ANK2: variants seen among roughly 807,000 people sequenced by gnomAD.
ANK2 encodes the protein ankyrin 2.
In ANK2, 83 loss-of-function variants were observed where a neutral mutation model predicts 360.5. The observed-to-expected ratio is 0.23, with a 90% CI of 0.19 to 0.28. The LOEUF is 0.28. Among genes scored for constraint, ANK2 ranks in the 10% least tolerant of loss-of-function variants. ANK2 has a pLI of 1.00. For synonymous variants in ANK2, 1,740 were observed against 1,759.5 expected, an observed-to-expected ratio of 0.99 and a Z score of 0.28; for missense variants, 4,201 against 4,795.7, an observed-to-expected ratio of 0.88 and a Z score of 3.66.
chr4:113,162,691 C>T (rs1431468730), intron 1 of ANK2, among the ~76,000 whole-genome samples: 1 of 149,568 alleles, frequency 6.7e-6, no homozygotes, highest in Non-Finnish European at 1.5e-5. Context: ...CCTGGGTCTA[C>T]TTTTCCCACT....
At chr4:113,033,768 C>G (rs980107361) in intron 2 of ANK2, 1 of 151,914 alleles carries the variant, frequency 6.6e-6, no homozygotes, top group Non-Finnish European at 1.5e-5. Context: ...TCTAACTGCC[C>G]ACTTGTTACT....
chr4:112,727,909 G>C, the ANK2 span, among the ~76,000 whole-genome samples: 2 of 152,194 alleles, frequency 1.3e-5, no homozygotes, highest in South Asian at 4.2e-4. Context: ...CGCGGGAGGC[G>C]GACGTTGCGG....
intron 2 of ANK2, among the ~76,000 whole-genome samples, chr4:112,916,929 C>G (rs1363106495): frequency 6.6e-6 from 1 of 152,094 alleles, no homozygotes; most frequent in Non-Finnish European, 1.5e-5. Flanking sequence ...TTAAGGAACT[C>G]AGAATCATAA....
In ANK2 at chr4:113,088,755, A is replaced by G. The variant is rs529215429; in HGVS notation, c.84+38943A>G. Among the ~76,000 whole-genome samples, 10 of 152,310 alleles carry G rather than the reference A, an allele frequency of 6.6e-5. No homozygotes were observed. In the East Asian group the frequency reaches 1.7e-3, roughly 26 times the overall value. ...CACCGAACTGTCACAATTGTTGCAC[A>G]GACATAATTAGAACCACATTTTTAC... is the stretch of plus-strand genomic sequence containing the variant. On this transcript the variant is annotated intron_variant, in intron 1 of 45. Transcript: ENST00000357077.
intron 2 of ANK2, among the ~76,000 whole-genome samples, chr4:113,181,123 C>T (rs1244286091): frequency 6.6e-6 from 1 of 152,190 alleles, no homozygotes; most frequent in African/African-American, 2.4e-5. Context: ...CTAAAAACTT[C>T]ATTCTGTTTA....
At chr4:113,136,976 T>G (rs1157303711) in intron 1 of ANK2, among the ~76,000 whole-genome samples, 1 of 152,044 alleles carries the variant, frequency 6.6e-6, no homozygotes, top group Non-Finnish European at 1.5e-5. Context: ...CAAGCTGGTC[T>G]CAAACTCCTG....
intron 5 of ANK2, among the ~76,000 whole-genome samples, chr4:113,234,425 T>G (rs2099354853): frequency 6.6e-6 from 1 of 152,192 alleles, no homozygotes; most frequent in African/African-American, 2.4e-5. Context: ...AAAATTACTT[T>G]TTTCCGATTG....
At position 113,227,069 on chromosome 4, in the gene ANK2, T is replaced by G. The variant is rs141557646; in HGVS notation, c.385-5092T>G. Reference sequence around the variant, plus strand: ...TAAGCTATTAATATGTGATGATAAATGCTTTCCTATAAAGTTTACAGTGGT... The same window carrying G: ...TAAGCTATTAATATGTGATGATAAAGGCTTTCCTATAAAGTTTACAGTGGT... On this transcript the variant is annotated intron_variant, in intron 4 of 45. Transcript: ENST00000357077. 1.1e-4 allele frequency among the ~76,000 whole-genome samples: 17 copies of G among 152,336 alleles called. No homozygotes were observed. In the East Asian group the frequency reaches 3.3e-3, roughly 29 times the overall value.
intron 2 of ANK2, among the ~76,000 whole-genome samples, chr4:112,952,930 T>A (rs1455765018): frequency 6.6e-6 from 1 of 152,110 alleles, no homozygotes; most frequent in Non-Finnish European, 1.5e-5. Context: ...GATTAGGAGA[T>A]TATATTAGTA....
In ANK2 at chr4:113,355,771, C is replaced by T. The variant is rs372362152; in HGVS notation, c.7153C>T (p.Pro2385Ser). ...AGACGAGACAAAGGCCTTGCCGCTG[C>T]CTGAGGCTTCTGTAAAGACAGATAC... ...TSDETKALPL[P>S]EASVKTDTGT... Residue 2385 changes from proline (P) to serine (S), a missense_variant, in exon 38 of 46, where the codon CCT becomes TCT. Pro to Ser is a moderately conservative substitution (Grantham distance 74). Coordinates refer to ENST00000357077, the MANE Select transcript of ANK2 (RefSeq NM_001148.6). 61 of 1,613,984 alleles carry T rather than the reference C, an allele frequency of 3.8e-5. No individual in the cohort carries two copies. The highest frequency in any genetic ancestry group is 6.7e-5 in the African/African-American group (5 of 74,924).
At chr4:112,715,171 C>G in the ANK2 span, among the ~76,000 whole-genome samples, 3 of 152,158 alleles carry the variant, frequency 2.0e-5, no homozygotes, top group African/African-American at 7.2e-5. Context: ...TATATAAGTC[C>G]TCTCTGTGTG....
Position 113,016,485 on chromosome 4 carries a change from A to G in ANK2, c.21+111971A>G, listed in dbSNP as rs546269378. Among the ~76,000 whole-genome samples the G allele has an allele frequency of 7.9e-4, 120 of 152,226 alleles. 1 individual carries two copies. The highest frequency in any genetic ancestry group is 2.5e-3 in the African/African-American group (104 of 41,550). ...CCTTTCCACTCTGAGCCCTCCTGCCATCTCTTCTCTGCTCCAGGGATGCTC... is the reference window on the plus strand; with the variant it reads ...CCTTTCCACTCTGAGCCCTCCTGCCGTCTCTTCTCTGCTCCAGGGATGCTC... On this transcript the variant is annotated intron_variant, in intron 2 of 30. Transcript: ENST00000503271.
chr4:113,054,237 G>T (rs2154328392), intron 1 of ANK2, among the ~76,000 whole-genome samples: 1 of 152,124 alleles, frequency 6.6e-6, no homozygotes, highest in African/African-American at 2.4e-5. Flanking sequence ...GGATAAAATG[G>T]CTTTATAGGA....
chr4:113,176,962 A>G (rs2098233172), intron 2 of ANK2, among the ~76,000 whole-genome samples: 1 of 152,146 alleles, frequency 6.6e-6, no homozygotes, highest in Non-Finnish European at 1.5e-5. Context: ...ACATGAACTC[A>G]TCCTTTTTTA....
intron 26 of ANK2, among the ~76,000 whole-genome samples, chr4:113,320,812 T>G (rs576941464): frequency 6.6e-6 from 1 of 152,234 alleles, no homozygotes; most frequent in Admixed American, 6.5e-5. Flanking sequence ...AAGGCTTTGG[T>G]TATTAGAGAG....
In ANK2 at chr4:113,123,133, T is replaced by G. The variant is rs990299798; in HGVS notation, c.85-51283T>G. Among the ~76,000 whole-genome samples the G allele has an allele frequency of 2.0e-5, 3 of 152,094 alleles. No individual in the cohort carries two copies. The South Asian group carries it at 6.2e-4, about 32-fold the overall frequency. The stretch of plus-strand genomic sequence containing the variant: ...TGACTTATTTTTGGAATCTAAAATC[T>G]TATACACACTCAATGTAATTTTTTT... On this transcript the variant is annotated intron_variant, in intron 1 of 45. Coordinates refer to ENST00000357077, the MANE Select transcript of ANK2 (RefSeq NM_001148.6).
rs201439735 is a variant in ANK2 at position 112,976,041 on chromosome 4, A to AT, written c.21+71535dup. Among the ~76,000 whole-genome samples the AT allele has an allele frequency of 4.5e-3, 688 of 151,418 alleles. 7 individuals are homozygous for AT. Among genetic ancestry groups the AT allele is most frequent in the African/African-American group, 0.015 (632 of 41,236 alleles). The stretch of plus-strand genomic sequence containing the variant: ...TGAATATGCTCACACATGCTCTGAC[A>AT]TTTTTTTTCATTTTATGTCGTTTTT... On this transcript the variant is annotated intron_variant, in intron 2 of 30. Coordinates refer to the ANK2 transcript ENST00000503271.
At chr4:113,266,651 G>A (rs1489797861) in intron 14 of ANK2, among the ~76,000 whole-genome samples, 1 of 152,208 alleles carries the variant, frequency 6.6e-6, no homozygotes, top group Non-Finnish European at 1.5e-5. Flanking sequence ...GCTGAGGTGA[G>A]CAGATCACCT....
At chr4:113,287,735 G>T (rs374325432) in intron 19 of ANK2, 32 bp downstream of exon 19, 2 of 1,564,346 alleles carry the variant, frequency 1.3e-6, no homozygotes, top group Admixed American at 1.7e-5. Context: ...ATTGTGACAG[G>T]TTCTGGCTGG....
Sources: gnomAD v4.1 joint callset for allele counts (sites outside exome capture counted in the v4.1 genomes callset) on GRCh38, gnomAD v4.1.1 for gene constraint, MANE v1.5 for transcripts, NCBI Gene and HGNC (gene_info 2026-07-23, HGNC 2026-07-21) for gene names.